The following RAI1 variants were observed in gnomAD, a reference collection of about 807,000 sequenced individuals.
The protein encoded by RAI1 is retinoic acid induced 1.
Under a neutral mutation model 123.8 loss-of-function variants are expected in RAI1, and 9 were observed. The observed-to-expected ratio is 0.07, with a 90% CI of 0.04 to 0.13. The LOEUF is 0.13. Ranked by LOEUF, RAI1 falls within the 10% of genes least tolerant of loss-of-function variation. The probability of loss-of-function intolerance (pLI) is 1.00; values close to 1 mark genes in which losing one functional copy is unlikely to be tolerated. For synonymous variants in RAI1, 1,231 were observed against 1,127.3 expected (o/e 1.09, Z -1.84); for missense variants, 2,256 against 2,545.8 (o/e 0.89, Z 2.45).
chr17:17,706,551 C>T (rs1165703029), intron 1 of RAI1, among the ~76,000 whole-genome samples: 1 of 152,156 alleles, frequency 6.6e-6, no homozygotes, highest in Non-Finnish European at 1.5e-5. Flanking sequence ...GTGAGCTGCA[C>T]CAGCAGCCAG....
In RAI1 at chr17:17,811,319, G is replaced by A. The variant is rs1304124042; in HGVS notation, c.*1338G>A. On this transcript the variant is annotated 3_prime_UTR_variant, in exon 6 of 6. Coordinates refer to ENST00000353383, the MANE Select transcript of RAI1 (RefSeq NM_030665.4). The stretch of plus-strand genomic sequence containing the variant: ...CGACTAGTGTTCTTATTAGTATATT[G>A]CTTCACACTGAAGATTGTGTGTATC... The A allele has an allele frequency of 1.1e-5, 3 of 274,980 alleles. No individual in the cohort carries two copies. Among genetic ancestry groups the A allele is most frequent in the Non-Finnish European group, 2.1e-5 (3 of 139,918 alleles). The allele number at this position is 274,980 out of a possible 1,614,324, so 17.0% of individuals were successfully genotyped here. A position where few individuals can be genotyped will look rare whatever the true frequency, so the allele number is the denominator to read the frequency against.
At position 17,733,297 on chromosome 17, in the gene RAI1, C is replaced by A. The variant is rs1916326604; in HGVS notation, c.-17+9138C>A. ...TAGTGTTTTCTGAGAATTCTCCAGGCCAGAAAGAAAAAGAAAGGGTGCACC... is the reference window on the plus strand; with the variant it reads ...TAGTGTTTTCTGAGAATTCTCCAGGACAGAAAGAAAAAGAAAGGGTGCACC... On this transcript the variant is annotated intron_variant, in intron 2 of 5. Coordinates refer to ENST00000353383, the MANE Select transcript of RAI1 (RefSeq NM_030665.4). Among the ~76,000 whole-genome samples the A allele has an allele frequency of 2.0e-5, 3 of 152,100 alleles. 1 individual carries two copies. In the South Asian group the frequency reaches 6.2e-4, roughly 32 times the overall value.
At chr17:17,778,620 A>AC (rs1350317476) in intron 2 of RAI1, 2 of 409,184 alleles carry the variant, frequency 4.9e-6, no homozygotes, top group Non-Finnish European at 9.9e-6. Flanking sequence ...GGCTCCTCTC[A>AC]CCCCTGAAAC....
chr17:17,697,083 G>A (rs1915063489), intron 1 of RAI1, among the ~76,000 whole-genome samples: 1 of 152,188 alleles, frequency 6.6e-6, no homozygotes, highest in Non-Finnish European at 1.5e-5. Context: ...TATCCCTACT[G>A]CCAGGCCTGT....
Position 17,793,270 on chromosome 17 carries a change from T to A in RAI1, c.322T>A (p.Tyr108Asn). 1.2e-6 allele frequency: 2 copies of A among 1,612,200 alleles called. No individual in the cohort carries two copies. Among genetic ancestry groups the A allele is most frequent in the Non-Finnish European group, 1.7e-6 (2 of 1,179,682 alleles). The change falls in exon 3 of 6, where the codon TAC (tyrosine) becomes AAC (asparagine). Residue 108 changes from tyrosine (Y) to asparagine (N), a missense_variant. Physicochemically the swap from Tyr to Asn is moderately radical, Grantham distance 143. Coordinates refer to ENST00000353383, the MANE Select transcript of RAI1 (RefSeq NM_030665.4). ...CTACGGCGTCCAGGACAGCAGCCCC[T>A]ACCCAGGCCGCTATGCTGGTGAGGA... ...PGYGVQDSSP[Y>N]PGRYAGEESL...
intron 2 of RAI1, among the ~76,000 whole-genome samples, chr17:17,786,721 A>T (rs1395051722): frequency 6.6e-6 from 1 of 152,162 alleles, no homozygotes; most frequent in East Asian, 1.9e-4. Context: ...TAAGTCATGG[A>T]CCCTCTGGGC....
chr17:17,765,927 CAG>C, intron 2 of RAI1: 1 of 152,282 alleles, frequency 6.6e-6, no homozygotes, highest in East Asian at 1.9e-4. Context: ...TTCTAGAAGA[CAG>C]GGCTTCTTGG....
rs58147049 is a variant in RAI1, at chr17:17,800,180, GTCTCTCTCTCTCTCTC to G, written c.5565+1700_5565+1715del. ...TCTCTCCTGCTTTCTGTCTCTCTCT[GTCTCTCTCTCTCTCTC>G]TCTCTCTCTCTCTCTCTCTCTCTCT... On this transcript the variant is annotated intron_variant, in intron 3 of 5. Transcript: ENST00000353383. This position sits in a 1 kb window ranked among gnomAD's most constrained non-coding sequence, Gnocchi z 4.7. 6.8e-4 allele frequency among the ~76,000 whole-genome samples: 79 copies of G among 116,402 alleles called. 1 individual carries two copies. Among genetic ancestry groups the G allele is most frequent in the East Asian group, 4.7e-3 (22 of 4,712 alleles). 76.4% of individuals were successfully genotyped at this position (116,402 alleles called of 152,430 possible).
At position 17,800,358 on chromosome 17, in the gene RAI1, C is replaced by T. The variant is rs574028568; in HGVS notation, c.5565+1845C>T. ...GCTTCACAGCCCCATTCCTGAAAGC[C>T]TTGTCCCCACGGCATCCTCGGTCCC... On this transcript the variant is annotated intron_variant, in intron 3 of 5. Transcript: ENST00000353383. The surrounding 1 kb of genome is among the most constrained non-coding windows in gnomAD (Gnocchi z 4.7). 1.3e-5 allele frequency among the ~76,000 whole-genome samples: 2 copies of T among 152,282 alleles called. No homozygotes were observed. The highest frequency in any genetic ancestry group is 2.9e-5 in the Non-Finnish European group (2 of 68,024).
chr17:17,757,886 C>T (rs546355651), intron 2 of RAI1, among the ~76,000 whole-genome samples: 4 of 152,310 alleles, frequency 2.6e-5, no homozygotes, highest in African/African-American at 9.6e-5. Context: ...ATCTGAAGTC[C>T]CCACGGGTCC....
At chr17:17,807,253 G>A (rs2143005924) in intron 4 of RAI1, among the ~76,000 whole-genome samples, 1 of 150,648 alleles carries the variant, frequency 6.6e-6, no homozygotes, top group Non-Finnish European at 1.5e-5. Flanking sequence ...AGGCGGTGGG[G>A]GGGGCGGGGG....
rs533138425 is a variant in RAI1, at chr17:17,690,311, T to TG, written c.-149+8521dup. ...CTGAGGCAGGAGAATTGCCTGAACC[T>TG]GGGAGGCAGAGGTGGCAGTGAGCCA... On this transcript the variant is annotated intron_variant, in intron 1 of 5. Transcript: ENST00000353383. 1.1e-3 allele frequency among the ~76,000 whole-genome samples: 167 copies of TG among 149,834 alleles called. 1 individual carries two copies. The highest frequency in any genetic ancestry group is 6.8e-3 in the South Asian group (32 of 4,740).
intron 2 of RAI1, among the ~76,000 whole-genome samples, chr17:17,766,819 GTC>G (rs2030952288): frequency 6.6e-6 from 1 of 152,250 alleles, no homozygotes; most frequent in Non-Finnish European, 1.5e-5. Flanking sequence ...AGGAGCCACT[GTC>G]TCTGAGGCCT....
chr17:17,792,207 G>A (rs1026739275), intron 2 of RAI1, among the ~76,000 whole-genome samples: 1 of 152,228 alleles, frequency 6.6e-6, no homozygotes, highest in Non-Finnish European at 1.5e-5. Flanking sequence ...TCAGAGGAGG[G>A]GACATTTTAT....
rs1004656011 is a variant in RAI1, at chr17:17,681,474, C to G, written c.-468C>G. ...GAGGGGATCGCATTCCTCGCGGCAC[C>G]CGCGGACACCAGGCAGGCCCGGCCG... On this transcript the variant is annotated 5_prime_UTR_variant, in exon 1 of 6. Coordinates refer to ENST00000353383, the MANE Select transcript of RAI1 (RefSeq NM_030665.4). The G allele has an allele frequency of 1.2e-5, 2 of 168,828 alleles. No homozygotes were observed. The highest frequency in any genetic ancestry group is 4.8e-5 in the African/African-American group (2 of 41,530). The allele number at this position is 168,828 out of a possible 1,614,324, so 10.5% of individuals were successfully genotyped here.
rs769190940 is a variant in RAI1 at position 17,796,290 on chromosome 17, C to T, written c.3342C>T (p.Ala1114=). 93 of 1,602,844 alleles carry T rather than the reference C, an allele frequency of 5.8e-5. No homozygotes were observed. The highest frequency in any genetic ancestry group is 7.6e-5 in the Non-Finnish European group (89 of 1,172,980). ...KAASSPSNPA[A]LPVASDSSPM... ...CCTCCAGCCCCAGCAACCCGGCCGC[C>T]CTGCCTGTGGCCTCCGACAGCAGCC... Residue 1114 remains alanine, a synonymous_variant, in exon 3 of 6, where the codon GCC becomes GCT. Coordinates refer to ENST00000353383, the MANE Select transcript of RAI1 (RefSeq NM_030665.4). The surrounding 1 kb of genome is among the most constrained non-coding windows in gnomAD (Gnocchi z 5.8).
At chr17:17,782,470 G>T (rs993213078) in intron 2 of RAI1, among the ~76,000 whole-genome samples, 1 of 151,712 alleles carries the variant, frequency 6.6e-6, no homozygotes, top group East Asian at 2.0e-4. Flanking sequence ...CCGCGCGCCC[G>T]GGCCCCCTCT....
intron 1 of RAI1, among the ~76,000 whole-genome samples, chr17:17,693,928 G>A (rs1221457120): frequency 6.6e-6 from 1 of 152,218 alleles, no homozygotes; most frequent in Non-Finnish European, 1.5e-5. Context: ...CCGAGTCCCA[G>A]CTCTGCCACT....
chr17:17,705,634 G>A (rs1915368156), intron 1 of RAI1, among the ~76,000 whole-genome samples: 1 of 152,198 alleles, frequency 6.6e-6, no homozygotes, highest in African/African-American at 2.4e-5. Context: ...GCTGAGGCAG[G>A]AGAATCGCTT....
Sources: gnomAD v4.1 joint callset for allele counts (sites outside exome capture counted in the v4.1 genomes callset) on GRCh38, gnomAD v4.1.1 for gene constraint, Gnocchi (gnomAD v3.1) non-coding constraint, MANE v1.5 for transcripts, NCBI Gene and HGNC (gene_info 2026-07-23, HGNC 2026-07-21) for gene names.